Variants in EYS observed in about 807,000 individuals in gnomAD.
EYS encodes the protein protein eyes shut homolog.
In EYS, 250 loss-of-function variants were observed where a neutral mutation model predicts 282.1. The observed-to-expected ratio is 0.89, with a 90% confidence interval of 0.80 to 0.98. The LOEUF (loss-of-function observed/expected upper bound fraction) is 0.98. Among genes scored for constraint, EYS ranks in the 50% least tolerant of loss-of-function variants. The pLI, the probability that EYS is intolerant of heterozygous loss-of-function variation, is 0.00. For synonymous variants in EYS, 1,355 were observed against 1,282.9 expected (o/e 1.06, Z -1.20); for missense variants, 4,016 against 3,709.0 (o/e 1.08, Z -2.15).
intron 2 of EYS, among the ~76,000 whole-genome samples, chr6:65,576,413 T>C (rs1361596146): frequency 1.3e-5 from 2 of 151,748 alleles, no homozygotes; most frequent in African/African-American, 2.4e-5. Flanking sequence ...AAATTAAATA[T>C]GGAAAGAATG....
chr6:65,510,136 G>C (rs1766811737), intron 2 of EYS, among the ~76,000 whole-genome samples: 1 of 149,432 alleles, frequency 6.7e-6, no homozygotes, highest in South Asian at 2.1e-4. Flanking sequence ...TCGTCATCTA[G>C]CATTAGGTAT....
At position 65,414,406 on chromosome 6, in the gene EYS, G is replaced by T. The variant is rs568941316; in HGVS notation, c.863-9039C>A. ...AGATGTCCAAGAAGGAAAGCAGAGA[G>T]ACAAGATTTTAGACTACTGCAGTAT... On this transcript the variant is annotated intron_variant, in intron 5 of 42. Transcript: ENST00000503581. 5.4e-4 allele frequency among the ~76,000 whole-genome samples: 82 copies of T among 152,266 alleles called. 3 individuals are homozygous for T. In the South Asian group the frequency reaches 0.017, roughly 31 times the overall value.
chr6:63,774,174 CT>C (rs797017727), intron 40 of EYS, among the ~76,000 whole-genome samples: 34 of 145,978 alleles, frequency 2.3e-4, no homozygotes, highest in East Asian at 1.0e-3. Context: ...CACTGCTTTT[CT>C]TTTTTTTTTT....
chr6:65,443,306 G>GCACACA (rs1768470729), intron 5 of EYS, among the ~76,000 whole-genome samples: 1 of 108,362 alleles, frequency 9.2e-6, no homozygotes, highest in African/African-American at 2.6e-5. Flanking sequence ...ATACATGTGT[G>GCACACA]TACACATATA....
At chr6:64,314,350 T>C (rs1330025930) in intron 29 of EYS, among the ~76,000 whole-genome samples, 2 of 152,064 alleles carry the variant, frequency 1.3e-5, no homozygotes, top group East Asian at 1.9e-4. Flanking sequence ...TAAATATATA[T>C]GCAACCAATA....
At chr6:65,391,972 GAT>G (rs1486799398) in intron 7 of EYS, among the ~76,000 whole-genome samples, 1 of 151,622 alleles carries the variant, frequency 6.6e-6, no homozygotes, top group Admixed American at 6.6e-5. Context: ...CCAAAACAGA[GAT>G]ATAGATCAAT....
chr6:64,708,608 T>C (rs900677155), intron 22 of EYS, among the ~76,000 whole-genome samples: 1 of 152,116 alleles, frequency 6.6e-6, no homozygotes, highest in African/African-American at 2.4e-5. Flanking sequence ...ATGACAGATT[T>C]GTTAGCTATT....
At chr6:65,406,509 C>G (rs1766746027) in intron 5 of EYS, among the ~76,000 whole-genome samples, 1 of 151,836 alleles carries the variant, frequency 6.6e-6, no homozygotes, top group Non-Finnish European at 1.5e-5. Context: ...TTTGCCTAAC[C>G]CAAGGTCATG....
chr6:64,798,173 A>G (rs1218540147), intron 22 of EYS, among the ~76,000 whole-genome samples: 1 of 151,956 alleles, frequency 6.6e-6, no homozygotes, highest in Non-Finnish European at 1.5e-5. Context: ...TTAACTTGGA[A>G]TGATACAAAA....
intron 23 of EYS, among the ~76,000 whole-genome samples, chr6:64,622,909 TTG>T (rs1347815469): frequency 6.6e-6 from 1 of 152,186 alleles, no homozygotes; most frequent in Non-Finnish European, 1.5e-5. Flanking sequence ...GAATCAGTCT[TTG>T]TGTTTTTCTA....
intron 36 of EYS, among the ~76,000 whole-genome samples, chr6:63,855,355 T>C (rs1772364528): frequency 6.6e-6 from 1 of 152,238 alleles, no homozygotes; most frequent in African/African-American, 2.4e-5. Flanking sequence ...CTTAGTCCAA[T>C]GCCTAGCTTA....
intron 19 of EYS, among the ~76,000 whole-genome samples, chr6:64,863,455 CT>C (rs946155610): frequency 9.9e-5 from 15 of 152,236 alleles, no homozygotes; most frequent in South Asian, 2.1e-4. Flanking sequence ...ATAGATCACA[CT>C]TTTTTTCTTC....
intron 30 of EYS, among the ~76,000 whole-genome samples, chr6:64,301,962 G>A (rs889100036): frequency 5.3e-5 from 8 of 152,114 alleles, no homozygotes; most frequent in Non-Finnish European, 1.0e-4. Flanking sequence ...TATTGTTAGC[G>A]ACTCTGCTTA....
intron 7 of EYS, among the ~76,000 whole-genome samples, chr6:65,399,191 G>C (rs1766402084): frequency 1.3e-5 from 2 of 151,876 alleles, no homozygotes; most frequent in Non-Finnish European, 2.9e-5. Context: ...TCTGCCTACT[G>C]GAATGTAAGT....
chr6:64,537,342 AT>A (rs1407788682), intron 26 of EYS, among the ~76,000 whole-genome samples: 2 of 151,354 alleles, frequency 1.3e-5, no homozygotes, highest in African/African-American at 4.9e-5. Flanking sequence ...TGAACTCATC[AT>A]TTTTTATGGC....
At chr6:65,511,094 A>T (rs1766851166) in intron 2 of EYS, among the ~76,000 whole-genome samples, 1 of 152,166 alleles carries the variant, frequency 6.6e-6, no homozygotes, top group African/African-American at 2.4e-5. Context: ...TTCCATTCTC[A>T]CAGTCGTGCA....
chr6:63,917,334 T>C (rs2624662), intron 35 of EYS, among the ~76,000 whole-genome samples: 107,822 of 152,168 alleles, frequency 0.71, 38,332 homozygotes, highest in Non-Finnish European at 0.73. Context: ...CTACATAATC[T>C]GCTCTCACTG....
At chr6:64,630,272 T>C (rs569903064) in intron 22 of EYS, among the ~76,000 whole-genome samples, 185 of 152,196 alleles carry the variant, frequency 1.2e-3, no homozygotes, top group African/African-American at 4.3e-3. Flanking sequence ...TTTTATTTTG[T>C]ATTTTTAATA....
At chr6:65,479,778 A>G (rs1219243362) in intron 5 of EYS, among the ~76,000 whole-genome samples, 1 of 152,196 alleles carries the variant, frequency 6.6e-6, no homozygotes, top group Non-Finnish European at 1.5e-5. Context: ...TAAAGAAGGC[A>G]CAAAACATAC....
Sources: gnomAD v4.1 joint callset for allele counts (sites outside exome capture counted in the v4.1 genomes callset) on GRCh38, gnomAD v4.1.1 for gene constraint, MANE v1.5 for transcripts, NCBI Gene and HGNC (gene_info 2026-07-23, HGNC 2026-07-21) for gene names.